ADH1A: variants seen among roughly 807,000 people sequenced by gnomAD.
ADH1A encodes alcohol dehydrogenase 1A (class I), alpha polypeptide.
ADH1A carries 29 observed loss-of-function variants against 35.2 expected under a neutral mutation model. The ratio of observed to expected loss-of-function variants is 0.82; its 90% CI spans 0.61 to 1.12. The LOEUF (loss-of-function observed/expected upper bound fraction) is 1.12. ADH1A is among the 50% of genes most tolerant of loss of function. ADH1A has a pLI of 0.00. For missense variants in ADH1A, 469 were observed against 464.7 expected, an observed-to-expected ratio of 1.01 and a Z score of -0.09; for synonymous variants, 147 against 164.8, an observed-to-expected ratio of 0.89 and a Z score of 0.83.
intron 8 of ADH1A, among the ~76,000 whole-genome samples, chr4:99,277,225 T>G (rs1378260870): frequency 6.6e-6 from 1 of 152,100 alleles, no homozygotes; most frequent in Non-Finnish European, 1.5e-5. Context: ...ACTGATAATT[T>G]AACAAAGTTA....
chr4:99,287,140 A>G (rs1733172438), intron 2 of ADH1A, 152 bp from the exon 3 acceptor site: 1 of 982,842 alleles, frequency 1.0e-6, no homozygotes, highest in Non-Finnish European at 1.5e-6. Context: ...GTTTATCCTC[A>G]AGGTTGACCA....
intron 2 of ADH1A, 29 bp downstream of exon 2, chr4:99,287,535 T>C (rs1041581072): frequency 1.9e-6 from 3 of 1,595,694 alleles, no homozygotes; most frequent in South Asian, 1.2e-5. Flanking sequence ...TTTTTAAAAC[T>C]TAAATACAAA....
chr4:99,287,576 T>C lies in ADH1A; in HGVS notation c.108A>G (p.Glu36=), dbSNP rs202215932. ...EVEVAPPKAH[E]VRIKMVAVGI... is the part of the protein sequence containing the mutation. ...AAATGTATTTCACCTTAATACGAACTTCATGGGCCTTAGGAGGTGCAACCT... is the reference window on the plus strand; with the variant it reads ...AAATGTATTTCACCTTAATACGAACCTCATGGGCCTTAGGAGGTGCAACCT... The change falls in exon 2 of 9, where the codon GAA becomes GAG. Residue 36 remains glutamate (E), a synonymous_variant. Coordinates refer to ENST00000209668, the MANE Select transcript of ADH1A (RefSeq NM_000667.4). 11 of 1,612,890 alleles carry C rather than the reference T, an allele frequency of 6.8e-6. No homozygotes were observed. Among genetic ancestry groups the C allele is most frequent in the African/African-American group, 1.3e-5 (1 of 74,930 alleles).
intron 8 of ADH1A, among the ~76,000 whole-genome samples, chr4:99,279,205 C>T (rs969886802): frequency 6.6e-5 from 10 of 151,640 alleles, no homozygotes; most frequent in Non-Finnish European, 1.5e-5. Context: ...CTGTAATCAA[C>T]ATAATTTGGC....
chr4:99,277,327 G>C (rs935346953), intron 8 of ADH1A, among the ~76,000 whole-genome samples: 1 of 152,020 alleles, frequency 6.6e-6, no homozygotes, highest in Non-Finnish European at 1.5e-5. Flanking sequence ...TTAATTCTAA[G>C]ATACTTCATT....
chr4:99,280,313 T>G, intron 6 of ADH1A, 34 bp from the exon 7 acceptor site: 1 of 1,611,834 alleles, frequency 6.2e-7, no homozygotes, highest in Non-Finnish European at 8.5e-7. Flanking sequence ...ATTCTTAACA[T>G]GGAGTCGCAT....
chr4:99,282,153 A>T, intron 6 of ADH1A, 193 bp downstream of exon 6: 2 of 1,040,860 alleles, frequency 1.9e-6, no homozygotes, highest in Non-Finnish European at 2.8e-6. Context: ...ATGACTTGAG[A>T]CACGTTTGCA....
chr4:99,288,554 CTCTT>C (rs1733213995), intron 1 of ADH1A: 1 of 152,198 alleles, frequency 6.6e-6, no homozygotes, highest in Admixed American at 6.5e-5. Flanking sequence ...ATTCACAAAA[CTCTT>C]TCCAGAGAGA....
intron 7 of ADH1A, 23 bp from the exon 8 acceptor site, chr4:99,279,587 G>A: frequency 6.2e-7 from 1 of 1,600,806 alleles, no homozygotes; most frequent in South Asian, 1.1e-5. Context: ...TGGTATCATT[G>A]TTAGATTCAA....
chr4:99,290,976 T>TTTATG lies in ADH1A; in HGVS notation c.-63_-62insCATAA. 1.3e-6 allele frequency: 2 copies of TTTATG among 1,583,602 alleles called. No homozygotes were observed. Among genetic ancestry groups the TTTATG allele is most frequent in the African/African-American group, 1.3e-5 (1 of 74,366 alleles). Reference sequence around the variant, plus strand: ...GAGTCCTTGTGGATTTCTTCCCTGCTCAAGTGCATAAAGCAGGTGTATTGC... The same window carrying TTTATG: ...GAGTCCTTGTGGATTTCTTCCCTGCTTTATGCAAGTGCATAAAGCAGGTGTATTGC... On this transcript the variant is annotated 5_prime_UTR_variant, in exon 1 of 9. Transcript: ENST00000209668.
At chr4:99,286,725 T>C in intron 3 of ADH1A, 125 bp downstream of exon 3, 1 of 1,486,438 alleles carries the variant, frequency 6.7e-7, no homozygotes, top group Non-Finnish European at 9.1e-7. Flanking sequence ...AGGAAATCCC[T>C]GAAGTCCTGG....
At chr4:99,282,979 G>A (rs932786142) in intron 5 of ADH1A, among the ~76,000 whole-genome samples, 16 of 152,124 alleles carry the variant, frequency 1.1e-4, no homozygotes, top group African/African-American at 3.1e-4. Flanking sequence ...AGGGACTCTC[G>A]ATTGCTGAAA....
rs534987998 is a variant in ADH1A at position 99,288,944 on chromosome 4, G to A, written c.19-1279C>T. Among the ~76,000 whole-genome samples the A allele has an allele frequency of 2.8e-4, 42 of 152,232 alleles. 1 individual carries two copies. The South Asian group carries it at 8.5e-3, about 31-fold the overall frequency. ...AAGCAGTGTACATTGCACCCAATAT[G>A]TAGTCTTTTATCCCTCACCTCCCCT... On this transcript the variant is annotated intron_variant, in intron 1 of 8. Coordinates refer to ENST00000209668, the MANE Select transcript of ADH1A (RefSeq NM_000667.4).
chr4:99,288,276 C>A (rs1256921134), intron 1 of ADH1A, among the ~76,000 whole-genome samples: 1 of 152,028 alleles, frequency 6.6e-6, no homozygotes, highest in African/African-American at 2.4e-5. Flanking sequence ...GTTATCTGAT[C>A]TATGTGTAGA....
At chr4:99,284,666 A>G (rs1733098925) in intron 4 of ADH1A, 48 bp from the exon 5 acceptor site, 5 of 1,613,470 alleles carry the variant, frequency 3.1e-6, no homozygotes, top group Non-Finnish European at 4.2e-6. Flanking sequence ...ACAGGACCAT[A>G]ACTAATGTGC....
At chr4:99,284,288 T>C in intron 5 of ADH1A, 111 bp downstream of exon 5, 2 of 1,157,238 alleles carry the variant, frequency 1.7e-6, no homozygotes, top group South Asian at 2.7e-5. Flanking sequence ...CTATTCTTAG[T>C]CGACATTCAA....
Position 99,276,420 on chromosome 4 carries a change from CTT to C in ADH1A, c.*202_*203del, listed in dbSNP as rs931466575. On this transcript the variant is annotated 3_prime_UTR_variant, in exon 9 of 9. Coordinates refer to ENST00000209668, the MANE Select transcript of ADH1A (RefSeq NM_000667.4). ...TCAATTCCCCAGCTGATGTTCAACA[CTT>C]TATTTAGTTCTCATTTGGATTTTAA... 6.6e-6 allele frequency: 4 copies of C among 604,310 alleles called. No homozygotes were observed. In the Admixed American group the frequency reaches 9.2e-5, roughly 14 times the overall value. 37.4% of individuals were successfully genotyped at this position (604,310 alleles called of 1,614,324 possible).
At chr4:99,289,781 T>C (rs893126389) in intron 1 of ADH1A, among the ~76,000 whole-genome samples, 4 of 152,244 alleles carry the variant, frequency 2.6e-5, no homozygotes, top group African/African-American at 4.8e-5. Flanking sequence ...ATACTTTTGC[T>C]GTAGGAACTC....
Position 99,284,395 on chromosome 4 carries a change from T to G in ADH1A, c.567+4A>C. On this transcript the variant is annotated splice_donor_region_variant and intron_variant, in intron 5 of 8. Coordinates refer to ENST00000209668, the MANE Select transcript of ADH1A (RefSeq NM_000667.4). ...CTGTTTTTATCACCCATTGCCATTC[T>G]TACCTTGGCAACATTGACTGCAGAC... 1 of 1,614,138 alleles carries G rather than the reference T, an allele frequency of 6.2e-7. No homozygotes were observed. The highest frequency in any genetic ancestry group is 8.5e-7 in the Non-Finnish European group (1 of 1,179,982).
Sources: gnomAD v4.1 joint callset for allele counts (sites outside exome capture counted in the v4.1 genomes callset) on GRCh38, gnomAD v4.1.1 for gene constraint, MANE v1.5 for transcripts, NCBI Gene and HGNC (gene_info 2026-07-23, HGNC 2026-07-21) for gene names.